Variants in PIN4 observed in about 807,000 individuals in gnomAD.
PIN4 encodes the protein peptidylprolyl cis/trans isomerase, NIMA-interacting 4, also known as peptidyl-prolyl cis-trans isomerase NIMA-interacting 4.
In PIN4, 3 loss-of-function variants were observed where a neutral mutation model predicts 8.3. The ratio of observed to expected loss-of-function variants is 0.36; its 90% confidence interval spans 0.16 to 0.93. The LOEUF (loss-of-function observed/expected upper bound fraction) is 0.93, where lower values mean the gene tolerates loss of function less well. Ranked by LOEUF, PIN4 falls within the 40% of genes least tolerant of loss-of-function variation. PIN4 has a pLI of 0.44. For missense variants in PIN4, 75 were observed against 100.6 expected, an observed-to-expected ratio of 0.75 and a Z score of 1.09; for synonymous variants, 18 against 32.5, an observed-to-expected ratio of 0.55 and a Z score of 1.52.
chrX:72,197,066 T>A, intron 3 of PIN4, 162 bp downstream of exon 3: 1 of 532,770 alleles, frequency 1.9e-6, no homozygotes, highest in Non-Finnish European at 2.9e-6. Flanking sequence ...TATTTTGGTT[T>A]AAAGATCTCA....
chrX:72,211,476 T>C (rs2042853752), intron 3 of PIN4, among the ~76,000 whole-genome samples: 1 of 112,250 alleles, frequency 8.9e-6, no homozygotes, highest in African/African-American at 3.2e-5. Flanking sequence ...TAGAGCATGT[T>C]TCTCTTTAAG....
intron 3 of PIN4, chrX:72,208,701 A>G (rs2042835475): frequency 1.7e-6 from 2 of 1,160,104 alleles, no homozygotes; most frequent in Non-Finnish European, 2.3e-6. Context: ...TCACATATCT[A>G]TAGAAAAAAA....
At chrX:72,194,010 A>G (rs1301028879) in intron 2 of PIN4, among the ~76,000 whole-genome samples, 1 of 112,542 alleles carries the variant, frequency 8.9e-6, no homozygotes, top group Non-Finnish European at 1.9e-5. Context: ...TTTTAAATGT[A>G]TAAAGTTAAA....
At chrX:72,240,817 T>TGGG (rs2043046384) in intron 3 of PIN4, among the ~76,000 whole-genome samples, 7 of 100,058 alleles carry the variant, frequency 7.0e-5, no homozygotes, top group South Asian at 5.3e-4. Flanking sequence ...AGAAAAGGGT[T>TGGG]GGGGGGAGGT....
At chrX:72,218,684 G>A (rs2042901806) in intron 3 of PIN4, among the ~76,000 whole-genome samples, 2 of 109,999 alleles carry the variant, frequency 1.8e-5, no homozygotes, top group Admixed American at 1.9e-4. Context: ...TACTAGAGAC[G>A]GGGTTTCACC....
At position 72,195,300 on chromosome X, in the gene PIN4, A is replaced by C. The variant is rs1462123712; in HGVS notation, c.118-1485A>C. On this transcript the variant is annotated intron_variant, in intron 2 of 3. Transcript: ENST00000373669. ...AATATTCAACCTATGATACCTTTTC[A>C]AAGTGTGGAATTGTGGGGAGGCTTA... is the stretch of plus-strand genomic sequence containing the variant. 2.7e-5 allele frequency among the ~76,000 whole-genome samples: 3 copies of C among 111,636 alleles called. No individual in the cohort carries two copies. In the East Asian group the frequency reaches 8.3e-4, roughly 31 times the overall value.
chrX:72,203,935 A>AAGAT (rs763880748), intron 3 of PIN4, among the ~76,000 whole-genome samples: 1 of 111,288 alleles, frequency 9.0e-6, no homozygotes, highest in East Asian at 2.8e-4. Flanking sequence ...CTACAATCCA[A>AAGAT]AGATAGACTG....
At chrX:72,233,516 T>G (rs1220171680) in intron 3 of PIN4, among the ~76,000 whole-genome samples, 2 of 107,695 alleles carry the variant, frequency 1.9e-5, no homozygotes, top group African/African-American at 6.8e-5. Context: ...TGGTCAGGAG[T>G]TCAGGACCAG....
At chrX:72,188,843 G>A (rs536442550) in intron 2 of PIN4, among the ~76,000 whole-genome samples, 3 of 111,759 alleles carry the variant, frequency 2.7e-5, no homozygotes, top group African/African-American at 6.5e-5. Context: ...CTTTAAAGAG[G>A]CACCTTACCC....
intron 3 of PIN4, among the ~76,000 whole-genome samples, chrX:72,253,287 A>G (rs1190716343): frequency 1.8e-5 from 2 of 112,135 alleles, no homozygotes; most frequent in Non-Finnish European, 3.8e-5. Flanking sequence ...TGGTTTCCTA[A>G]CTAGTCTCCC....
intron 3 of PIN4, among the ~76,000 whole-genome samples, chrX:72,262,346 A>C (rs974956032): frequency 8.9e-6 from 1 of 112,264 alleles, no homozygotes. Flanking sequence ...TGAGGCCCCG[A>C]GCCAAACCTC....
intron 3 of PIN4, among the ~76,000 whole-genome samples, chrX:72,213,124 G>A (rs760816741): frequency 2.3e-4 from 26 of 112,143 alleles, no homozygotes; most frequent in African/African-American, 8.1e-4. Flanking sequence ...GCGCATGTGA[G>A]TGGGGTTATT....
chrX:72,190,280 A>G (rs1239931618), intron 2 of PIN4, among the ~76,000 whole-genome samples: 1 of 112,136 alleles, frequency 8.9e-6, no homozygotes, highest in Middle Eastern at 4.6e-3. Context: ...TCTACTTTCT[A>G]TGCACTTAAA....
chrX:72,203,673 G>T (rs906656636), intron 3 of PIN4, among the ~76,000 whole-genome samples: 1 of 111,631 alleles, frequency 9.0e-6, no homozygotes, highest in Non-Finnish European at 1.9e-5. Context: ...GTTAAAAATC[G>T]GTTTCACCCC....
At chrX:72,254,179 T>C (rs6525594) in intron 3 of PIN4, among the ~76,000 whole-genome samples, 2,580 of 111,481 alleles carry the variant, frequency 0.023, 85 homozygotes, top group African/African-American at 0.081. Flanking sequence ...ACCCTTTTTC[T>C]TCAGGCACAT....
intron 3 of PIN4, chrX:72,206,288 T>C (rs368694497): frequency 2.2e-5 from 27 of 1,206,416 alleles, no homozygotes; most frequent in Non-Finnish European, 3.0e-5. Context: ...AATGAAGAGT[T>C]AGTACAAAGT....
chrX:72,199,666 T>G (rs1024672216), downstream of PIN4, among the ~76,000 whole-genome samples: 1 of 112,379 alleles, frequency 8.9e-6, no homozygotes, highest in Non-Finnish European at 1.9e-5. Context: ...CCCAGGATAC[T>G]AAGTGAATAC....
chrX:72,205,521 A>C (rs1251991529), intron 3 of PIN4: 2 of 1,209,785 alleles, frequency 1.7e-6, no homozygotes, highest in African/African-American at 3.5e-5. Context: ...ACTTATTTAC[A>C]CTACTGGGTA....
intron 3 of PIN4, among the ~76,000 whole-genome samples, chrX:72,222,434 C>T (rs2042928923): frequency 1.8e-5 from 2 of 111,362 alleles, no homozygotes; most frequent in South Asian, 3.8e-4. Context: ...TGCAGTCCCC[C>T]ATAGAGACAC....
Sources: gnomAD v4.1 joint callset for allele counts (sites outside exome capture counted in the v4.1 genomes callset) on GRCh38, gnomAD v4.1.1 for gene constraint, MANE v1.5 for transcripts, NCBI Gene and HGNC (gene_info 2026-07-23, HGNC 2026-07-21) for gene names.